Variants in NLGN4X observed in about 807,000 individuals in gnomAD.
NLGN4X encodes neuroligin-4, X-linked.
Under a neutral mutation model 40.3 loss-of-function variants are expected in NLGN4X, and 3 were observed. That is an observed-to-expected ratio of 0.07 (90% CI 0.03 to 0.19). The LOEUF is 0.19. Ranked by LOEUF, NLGN4X falls within the 10% of genes least tolerant of loss-of-function variation. NLGN4X has a pLI of 1.00. For synonymous variants in NLGN4X, 270 were observed against 306.8 expected (o/e 0.88, Z 1.25); for missense variants, 382 against 708.3 (o/e 0.54, Z 5.23).
intron 3 of NLGN4X, among the ~76,000 whole-genome samples, chrX:5,969,811 T>G (rs971929306): frequency 4.5e-5 from 5 of 110,609 alleles, no homozygotes; most frequent in Non-Finnish European, 7.6e-5. Flanking sequence ...TAAGAAAATG[T>G]GGCACATATA....
chrX:5,970,588 T>C (rs2034995102), intron 3 of NLGN4X, among the ~76,000 whole-genome samples: 1 of 111,695 alleles, frequency 9.0e-6, no homozygotes, highest in South Asian at 3.8e-4. Context: ...TATACTTTCA[T>C]CCCTACCTCA....
chrX:6,066,317 G>C (rs2037915482), intron 2 of NLGN4X, among the ~76,000 whole-genome samples: 1 of 112,075 alleles, frequency 8.9e-6, no homozygotes, highest in South Asian at 3.7e-4. Context: ...CTTGTCCTAT[G>C]CTAGCCCATC....
chrX:6,178,529 A>G lies in NLGN4X; in HGVS notation c.-305-26758T>C, dbSNP rs545265034. Among the ~76,000 whole-genome samples, 4 of 112,428 alleles carry G rather than the reference A, an allele frequency of 3.6e-5. No individual in the cohort carries two copies. In the South Asian group the frequency reaches 1.5e-3, roughly 42 times the overall value. ...TACTTCACTTCTTCACACTGTTTCT[A>G]CCACTGGAAAGTGGGACAGATTGAA... On this transcript the variant is annotated intron_variant, in intron 1 of 5. Coordinates refer to ENST00000381095, the MANE Select transcript of NLGN4X (RefSeq NM_181332.3).
chrX:5,956,244 ACT>A (rs761830287), intron 3 of NLGN4X, among the ~76,000 whole-genome samples: 2 of 108,441 alleles, frequency 1.8e-5, no homozygotes, highest in East Asian at 2.8e-4. Flanking sequence ...TATAATTTTG[ACT>A]CTCAAGAAAA....
intron 2 of NLGN4X, among the ~76,000 whole-genome samples, chrX:6,083,686 G>T (rs1297717652): frequency 1.8e-5 from 2 of 112,426 alleles, no homozygotes; most frequent in African/African-American, 6.5e-5. Context: ...TTACATAAGT[G>T]CTGAGAAAAG....
chrX:6,130,070 T>C (rs1180285469), intron 2 of NLGN4X, among the ~76,000 whole-genome samples: 1 of 110,132 alleles, frequency 9.1e-6, no homozygotes, highest in Non-Finnish European at 1.9e-5. Flanking sequence ...GTCTTTTTTA[T>C]AGAGGTGGAG....
intron 3 of NLGN4X, among the ~76,000 whole-genome samples, chrX:5,929,142 G>T (rs752998233): frequency 9.0e-6 from 1 of 111,477 alleles, no homozygotes; most frequent in Non-Finnish European, 1.9e-5. Flanking sequence ...TTTTTAAATA[G>T]ACTTTGCTAA....
At chrX:6,150,768 T>C (rs750803107) in intron 2 of NLGN4X, among the ~76,000 whole-genome samples, 2 of 112,473 alleles carry the variant, frequency 1.8e-5, no homozygotes, top group South Asian at 7.3e-4. Flanking sequence ...TGAAAATAAT[T>C]AAAGTTATTA....
chrX:6,225,689 CTTTTTTTTTTTTTT>C (rs749574818), intron 1 of NLGN4X, among the ~76,000 whole-genome samples: 5 of 26,903 alleles, frequency 1.9e-4, no homozygotes, highest in Non-Finnish European at 2.6e-4. Flanking sequence ...TTCTTTTTTT[CTTTTTTTTTTTTTT>C]TTTTTTTTTT....
chrX:5,938,209 A>C (rs756743413), intron 3 of NLGN4X, among the ~76,000 whole-genome samples: 11 of 111,643 alleles, frequency 9.9e-5, no homozygotes, highest in Admixed American at 2.9e-4. Flanking sequence ...TCAGGTATGG[A>C]GGAAGGTTCA....
chrX:5,948,925 G>A (rs2034218557), intron 3 of NLGN4X, among the ~76,000 whole-genome samples: 1 of 111,726 alleles, frequency 9.0e-6, no homozygotes, highest in African/African-American at 3.3e-5. Context: ...GACTCACATG[G>A]CGGTACTAAT....
chrX:5,967,953 G>A (rs1325770291), intron 3 of NLGN4X, among the ~76,000 whole-genome samples: 2 of 110,834 alleles, frequency 1.8e-5, no homozygotes, highest in African/African-American at 6.6e-5. Flanking sequence ...TTAGAGTCTT[G>A]AAAACTGATT....
chrX:6,196,841 C>T (rs1352441871), intron 1 of NLGN4X, among the ~76,000 whole-genome samples: 1 of 111,450 alleles, frequency 9.0e-6, no homozygotes, highest in Non-Finnish European at 1.9e-5. Context: ...TAAAGGAAAA[C>T]CCTTCCTGGG....
chrX:5,960,971 T>G (rs1218798115), intron 3 of NLGN4X, among the ~76,000 whole-genome samples: 3 of 111,612 alleles, frequency 2.7e-5, no homozygotes, highest in Non-Finnish European at 5.6e-5. Context: ...ATTTCAGACC[T>G]CGGGGGGAGA....
At chrX:5,980,319 G>A (rs955245236) in intron 3 of NLGN4X, among the ~76,000 whole-genome samples, 6 of 109,512 alleles carry the variant, frequency 5.5e-5, no homozygotes, top group Non-Finnish European at 1.1e-4. Context: ...CCCAGTTTGT[G>A]AATTCTCTTT....
intron 2 of NLGN4X, among the ~76,000 whole-genome samples, chrX:6,051,608 G>A (rs190029290): frequency 2.4e-3 from 267 of 110,705 alleles, no homozygotes; most frequent in African/African-American, 8.4e-3. Context: ...ATTCTCCCTC[G>A]GAGGCTCCAG....
intron 3 of NLGN4X, among the ~76,000 whole-genome samples, chrX:5,958,828 T>TG (rs1183761504): frequency 7.1e-5 from 8 of 112,456 alleles, no homozygotes; most frequent in African/African-American, 2.3e-4. Context: ...TAATATAACC[T>TG]GGCTGAGTTT....
chrX:6,131,867 C>A (rs1312177524), intron 2 of NLGN4X, among the ~76,000 whole-genome samples: 1 of 111,912 alleles, frequency 8.9e-6, no homozygotes, highest in Non-Finnish European at 1.9e-5. Flanking sequence ...AGATTCTCTT[C>A]TTCTATAGGC....
chrX:6,027,125 G>C (rs1296489068), intron 3 of NLGN4X, among the ~76,000 whole-genome samples: 2 of 112,089 alleles, frequency 1.8e-5, no homozygotes, highest in African/African-American at 6.5e-5. Context: ...CCGTGTGGCC[G>C]TGCTACAGGC....
Sources: gnomAD v4.1 joint callset for allele counts (sites outside exome capture counted in the v4.1 genomes callset) on GRCh38, gnomAD v4.1.1 for gene constraint, MANE v1.5 for transcripts, NCBI Gene and HGNC (gene_info 2026-07-23, HGNC 2026-07-21) for gene names.